SLC14A2: variants seen among roughly 807,000 people sequenced by gnomAD.
SLC14A2 encodes the protein solute carrier family 14 member 2.
In SLC14A2, 91 loss-of-function variants were observed where a neutral mutation model predicts 104.6. That is an observed-to-expected ratio of 0.87 (90% CI 0.73 to 1.04). SLC14A2 has a LOEUF of 1.04. Among genes scored for constraint, SLC14A2 ranks in the 50% least tolerant of loss-of-function variants. The pLI, the probability that SLC14A2 is intolerant of heterozygous loss-of-function variation, is 0.00. For synonymous variants in SLC14A2, 476 were observed against 466.4 expected, an observed-to-expected ratio of 1.02 and a Z score of -0.27; for missense variants, 1,189 against 1,156.0, an observed-to-expected ratio of 1.03 and a Z score of -0.41.
intron 1 of SLC14A2, among the ~76,000 whole-genome samples, chr18:45,402,453 T>C (rs1169773201): frequency 1.3e-5 from 2 of 152,248 alleles, no homozygotes; most frequent in Non-Finnish European, 2.9e-5. Flanking sequence ...TCATACATTT[T>C]TATTGTTTGC....
chr18:45,324,492 C>G (rs1376073286), intron 1 of SLC14A2, among the ~76,000 whole-genome samples: 2 of 152,042 alleles, frequency 1.3e-5, no homozygotes, highest in Admixed American at 6.6e-5. Context: ...CTGGCCTCAC[C>G]CCATCACCTC....
At chr18:45,291,937 C>T (rs1290682753) in intron 1 of SLC14A2, among the ~76,000 whole-genome samples, 1 of 152,104 alleles carries the variant, frequency 6.6e-6, no homozygotes, top group African/African-American at 2.4e-5. Context: ...TCAGAGGTTC[C>T]CATCTTGGCA....
intron 1 of SLC14A2, among the ~76,000 whole-genome samples, chr18:45,381,747 C>G (rs991662635): frequency 1.3e-5 from 2 of 152,062 alleles, no homozygotes; most frequent in African/African-American, 4.8e-5. Flanking sequence ...GGCAGGGGAA[C>G]AGGGTGGTGA....
At chr18:45,310,027 C>T (rs866590419) in intron 1 of SLC14A2, among the ~76,000 whole-genome samples, 45 of 151,742 alleles carry the variant, frequency 3.0e-4, no homozygotes, top group Non-Finnish European at 1.2e-4. Context: ...TCATCCATAT[C>T]GATGCGTAGG....
At chr18:45,552,655 C>A (rs1000769398) in intron 2 of SLC14A2, among the ~76,000 whole-genome samples, 3 of 152,118 alleles carry the variant, frequency 2.0e-5, no homozygotes, top group African/African-American at 7.2e-5. Flanking sequence ...AGTGTCATGG[C>A]AGGCAGTGGT....
At chr18:45,490,541 T>C (rs1251309346) in intron 2 of SLC14A2, among the ~76,000 whole-genome samples, 1 of 152,206 alleles carries the variant, frequency 6.6e-6, no homozygotes, top group Non-Finnish European at 1.5e-5. Context: ...AGTTTAATAA[T>C]ATCTGATTAA....
chr18:45,430,903 C>T (rs2086504156), intron 1 of SLC14A2, among the ~76,000 whole-genome samples: 1 of 152,140 alleles, frequency 6.6e-6, no homozygotes, highest in Non-Finnish European at 1.5e-5. Flanking sequence ...AATGGACACC[C>T]AGGGAGACCT....
intron 4 of SLC14A2, among the ~76,000 whole-genome samples, chr18:45,627,792 T>C (rs932282225): frequency 1.3e-5 from 2 of 152,112 alleles, no homozygotes; most frequent in African/African-American, 2.4e-5. Flanking sequence ...GGCAGATCAC[T>C]TGAGGCCAGG....
chr18:45,296,656 C>A (rs2084920274), intron 1 of SLC14A2, among the ~76,000 whole-genome samples: 2 of 152,284 alleles, frequency 1.3e-5, no homozygotes, highest in East Asian at 1.9e-4. Flanking sequence ...CTGCTAGGCA[C>A]CCCAGACAGC....
At chr18:45,380,097 T>C (rs188345139) in intron 1 of SLC14A2, among the ~76,000 whole-genome samples, 2 of 152,330 alleles carry the variant, frequency 1.3e-5, no homozygotes, top group African/African-American at 2.4e-5. Context: ...CTTTTAACTA[T>C]CTTTTGATGG....
chr18:45,674,369 A>T (rs1024453876), intron 18 of SLC14A2, among the ~76,000 whole-genome samples: 4 of 152,170 alleles, frequency 2.6e-5, no homozygotes, highest in Non-Finnish European at 5.9e-5. Flanking sequence ...ACTTATTTTT[A>T]AAAATAAATT....
intron 1 of SLC14A2, among the ~76,000 whole-genome samples, chr18:45,342,725 T>G (rs2085408473): frequency 6.6e-6 from 1 of 152,206 alleles, no homozygotes. Flanking sequence ...GGAGGTAAAT[T>G]GAGCCAGACT....
chr18:45,291,830 T>TG (rs201377532), intron 1 of SLC14A2, among the ~76,000 whole-genome samples: 327 of 139,320 alleles, frequency 2.3e-3, no homozygotes, highest in African/African-American at 7.8e-3. Flanking sequence ...CGGGGGCGGT[T>TG]GGGGGGGTGG....
chr18:45,359,430 T>A (rs2085588758), intron 1 of SLC14A2, among the ~76,000 whole-genome samples: 1 of 152,210 alleles, frequency 6.6e-6, no homozygotes, highest in Non-Finnish European at 1.5e-5. Context: ...AACCCTGTGG[T>A]GCCTCCTTCT....
At chr18:45,243,735 C>T (rs1242177878) in intron 1 of SLC14A2, among the ~76,000 whole-genome samples, 1 of 152,094 alleles carries the variant, frequency 6.6e-6, no homozygotes, top group Non-Finnish European at 1.5e-5. Flanking sequence ...AAGTAGCCAC[C>T]CAGTTGTGGC....
chr18:45,498,287 T>A (rs2144751724), intron 2 of SLC14A2, among the ~76,000 whole-genome samples: 1 of 152,302 alleles, frequency 6.6e-6, no homozygotes, highest in East Asian at 1.9e-4. Context: ...TTTCTGTATT[T>A]TACTACTGAA....
rs2084787857 is a variant in SLC14A2, at chr18:45,283,883, T to A, written c.-125+70692T>A. On this transcript the variant is annotated intron_variant, in intron 1 of 20. Transcript: ENST00000586448. ...CTGGTAGGAAGCCACTAGCCCTCTG[T>A]GACTACAGAGAAATGTCTAAATTGA... Among the ~76,000 whole-genome samples the A allele has an allele frequency of 2.6e-5, 4 of 152,276 alleles. No homozygotes were observed. In the South Asian group the frequency reaches 8.3e-4, roughly 32 times the overall value.
chr18:45,583,534 C>T (rs922798811), intron 2 of SLC14A2, among the ~76,000 whole-genome samples: 4 of 152,042 alleles, frequency 2.6e-5, no homozygotes, highest in Admixed American at 2.0e-4. Flanking sequence ...AAAACAGTTC[C>T]GTATACATGG....
intron 2 of SLC14A2, among the ~76,000 whole-genome samples, chr18:45,544,697 G>C (rs914372477): frequency 3.4e-5 from 5 of 148,964 alleles, no homozygotes; most frequent in Non-Finnish European, 5.9e-5. Flanking sequence ...TTATAAAAAT[G>C]ATATTATGAT....
Sources: gnomAD v4.1 joint callset for allele counts (sites outside exome capture counted in the v4.1 genomes callset) on GRCh38, gnomAD v4.1.1 for gene constraint, MANE v1.5 for transcripts, NCBI Gene and HGNC (gene_info 2026-07-23, HGNC 2026-07-21) for gene names.